The following PPM1H variants were observed in gnomAD, a reference collection of about 807,000 sequenced individuals.
The protein encoded by PPM1H is protein phosphatase, Mg2+/Mn2+ dependent 1H.
PPM1H carries 27 observed loss-of-function variants against 54.9 expected under a neutral mutation model. The observed-to-expected ratio is 0.49, with a 90% CI of 0.36 to 0.68. The LOEUF is 0.68. PPM1H is among the 30% of genes least tolerant of loss of function. PPM1H has a pLI of 0.00. For synonymous variants in PPM1H, 305 were observed against 270.8 expected, an observed-to-expected ratio of 1.13 and a Z score of -1.24; for missense variants, 596 against 667.8, an observed-to-expected ratio of 0.89 and a Z score of 1.19.
chr12:62,852,983 A>G (rs966613512), intron 1 of PPM1H, among the ~76,000 whole-genome samples: 2 of 152,238 alleles, frequency 1.3e-5, no homozygotes, highest in African/African-American at 4.8e-5. Context: ...AAACAACTAG[A>G]AAAAACTAAA....
intron 1 of PPM1H, among the ~76,000 whole-genome samples, chr12:62,880,555 C>T (rs1261476323): frequency 3.3e-5 from 5 of 152,132 alleles, no homozygotes; most frequent in Non-Finnish European, 5.9e-5. Context: ...CAGTGCACGT[C>T]GTGATTACCC....
intron 9 of PPM1H, among the ~76,000 whole-genome samples, chr12:62,653,365 T>C (rs546227460): frequency 6.6e-6 from 1 of 152,380 alleles, no homozygotes; most frequent in East Asian, 1.9e-4. Flanking sequence ...TTTCAACTTC[T>C]CTGCGATATC....
intron 8 of PPM1H, among the ~76,000 whole-genome samples, chr12:62,687,240 T>C (rs1192129924): frequency 1.3e-5 from 2 of 152,130 alleles, no homozygotes; most frequent in Non-Finnish European, 2.9e-5. Context: ...ATTCTGCTCA[T>C]GGACACCATA....
intron 1 of PPM1H, among the ~76,000 whole-genome samples, chr12:62,846,342 A>AAATTTTTTTTTTTTTTAACTTT (rs1212254600): frequency 6.6e-6 from 1 of 151,950 alleles, no homozygotes; most frequent in Admixed American, 6.6e-5. Context: ...ACTAAAAAAA[A>AAATTTTTTTTTTTTTTAACTTT]TACAAAAATT....
chr12:62,770,474 CTA>C (rs2120645968), intron 4 of PPM1H, among the ~76,000 whole-genome samples: 2 of 152,270 alleles, frequency 1.3e-5, no homozygotes, highest in South Asian at 4.1e-4. Context: ...ACAAGTGTTC[CTA>C]TCTGTTTTAC....
intron 1 of PPM1H, among the ~76,000 whole-genome samples, chr12:62,871,689 T>C (rs1181322488): frequency 6.6e-6 from 1 of 151,982 alleles, no homozygotes; most frequent in African/African-American, 2.4e-5. Context: ...TAGTTTTTTG[T>C]ATTTTTGGTA....
At chr12:62,689,848 TG>T (rs1333411329) in intron 7 of PPM1H, 42 bp from the exon 8 acceptor site, 1 of 1,394,612 alleles carries the variant, frequency 7.2e-7, no homozygotes, top group Non-Finnish European at 1.0e-6. Flanking sequence ...ACGCACACAG[TG>T]AAAGCATCCC....
chr12:62,818,682 A>G (rs961259782), intron 2 of PPM1H, among the ~76,000 whole-genome samples: 12 of 152,174 alleles, frequency 7.9e-5, no homozygotes, highest in Non-Finnish European at 1.8e-4. Flanking sequence ...CTGTGGGCTT[A>G]TAGCTCTTCA....
chr12:62,703,623 C>T (rs953252494), intron 6 of PPM1H, among the ~76,000 whole-genome samples: 3 of 152,034 alleles, frequency 2.0e-5, no homozygotes, highest in African/African-American at 4.8e-5. Context: ...GATGAAACAC[C>T]ACCCAGGCCT....
chr12:62,893,782 C>G (rs773227680), intron 1 of PPM1H, among the ~76,000 whole-genome samples: 5 of 152,112 alleles, frequency 3.3e-5, no homozygotes, highest in African/African-American at 4.8e-5. Flanking sequence ...CCACCACACC[C>G]CGCGTTCATT....
At chr12:62,884,295 T>G (rs1218469860) in intron 1 of PPM1H, among the ~76,000 whole-genome samples, 1 of 149,174 alleles carries the variant, frequency 6.7e-6, no homozygotes, top group East Asian at 2.0e-4. Context: ...GAGACCAGCC[T>G]GGCCGACATG....
At chr12:62,867,578 T>A (rs944511425) in intron 1 of PPM1H, among the ~76,000 whole-genome samples, 15 of 110,058 alleles carry the variant, frequency 1.4e-4, no homozygotes, top group Admixed American at 3.4e-4. Context: ...TTTTTTTTTT[T>A]TTTTTTTTTT....
chr12:62,734,048 CATG>C (rs2120513280), intron 5 of PPM1H, among the ~76,000 whole-genome samples: 1 of 151,702 alleles, frequency 6.6e-6, no homozygotes, highest in South Asian at 2.1e-4. Context: ...GTGATTAGGT[CATG>C]AGGGTAGAGC....
chr12:62,812,028 T>C (rs940590884), intron 2 of PPM1H, among the ~76,000 whole-genome samples: 8 of 152,214 alleles, frequency 5.3e-5, no homozygotes, highest in African/African-American at 1.7e-4. Context: ...AGAGATAGGA[T>C]TTGAACCTAG....
rs2076011385 is a variant in PPM1H, at chr12:62,680,206, T to TTTTCTCTCTTTCTCCC, written c.1245+9477_1245+9492dup. On this transcript the variant is annotated intron_variant, in intron 8 of 9. Transcript: ENST00000228705. ...TGCCTGGGACTATTTTCATTTCTCC[T>TTTTCTCTCTTTCTCCC]TTTCTCTCTTTCTCCCTTTCTCTCT... Among the ~76,000 whole-genome samples the TTTTCTCTCTTTCTCCC allele has an allele frequency of 2.0e-5, 3 of 152,034 alleles. No homozygotes were observed. In the South Asian group the frequency reaches 6.2e-4, roughly 31 times the overall value.
At position 62,648,267 on chromosome 12, in the gene PPM1H, A is replaced by G. The variant is rs1324961086; in HGVS notation, c.*222T>C. 1.9e-6 allele frequency: 1 copy of G among 524,040 alleles called. No individual in the cohort carries two copies. The highest frequency in any genetic ancestry group is 3.4e-6 in the Non-Finnish European group (1 of 295,436). The allele number at this position is 524,040 out of a possible 1,614,324, so 32.5% of individuals were successfully genotyped here. A position where few individuals can be genotyped will look rare whatever the true frequency, so the allele number is the denominator to read the frequency against. The stretch of plus-strand genomic sequence containing the variant: ...GAACTGAAATACAACAACACTTGGT[A>G]GCAGCCTTTGTGTTTTGCTCTTGTT... On this transcript the variant is annotated 3_prime_UTR_variant, in exon 10 of 10. Transcript: ENST00000228705.
intron 6 of PPM1H, among the ~76,000 whole-genome samples, chr12:62,706,266 A>C (rs1223538774): frequency 6.6e-6 from 1 of 152,236 alleles, no homozygotes; most frequent in African/African-American, 2.4e-5. Context: ...ATAGAGGCTT[A>C]TCTTGTAGCT....
chr12:62,898,683 G>A (rs1871069999), intron 1 of PPM1H, among the ~76,000 whole-genome samples: 1 of 152,070 alleles, frequency 6.6e-6, no homozygotes, highest in Non-Finnish European at 1.5e-5. Flanking sequence ...CCTCAAAAAG[G>A]CAGCCAGTTA....
intron 1 of PPM1H, among the ~76,000 whole-genome samples, chr12:62,875,163 C>T (rs1870115519): frequency 6.6e-6 from 1 of 152,178 alleles, no homozygotes; most frequent in Admixed American, 6.5e-5. Context: ...TTAGAGGAAA[C>T]CATCTTGGGT....
Sources: allele counts gnomAD v4.1 joint callset (sites outside exome capture counted in the v4.1 genomes callset), GRCh38; gene constraint gnomAD v4.1.1; transcripts MANE v1.5; gene names NCBI Gene and HGNC (gene_info 2026-07-23, HGNC 2026-07-21).